The following CDK14 variants were observed in gnomAD, a reference collection of about 807,000 sequenced individuals.
The protein encoded by CDK14 is cyclin-dependent kinase 14.
Under a neutral mutation model 60.7 loss-of-function variants are expected in CDK14, and 34 were observed. That is an observed-to-expected ratio of 0.56 (90% CI 0.43 to 0.75). The LOEUF (loss-of-function observed/expected upper bound fraction) is 0.75. CDK14 is among the 30% of genes least tolerant of loss of function. The pLI is 0.00. For missense variants in CDK14, 482 were observed against 564.1 expected (o/e 0.85, Z 1.47); for synonymous variants, 197 against 203.7 (o/e 0.97, Z 0.28).
chr7:90,634,983 TG>T (rs1486255235), intron 2 of CDK14, among the ~76,000 whole-genome samples: 2 of 152,236 alleles, frequency 1.3e-5, no homozygotes, highest in Non-Finnish European at 2.9e-5. Flanking sequence ...TGGGGTTGTT[TG>T]TTTTTTTCTT....
chr7:91,108,844 A>C (rs1427412992), intron 12 of CDK14, among the ~76,000 whole-genome samples: 1 of 152,210 alleles, frequency 6.6e-6, no homozygotes, highest in Non-Finnish European at 1.5e-5. Flanking sequence ...GTCTGTCTCC[A>C]GACCAAAAAA....
chr7:90,696,339 T>TTC (rs66902872), intron 2 of CDK14, among the ~76,000 whole-genome samples: 13,532 of 58,720 alleles, frequency 0.23, 675 homozygotes, highest in Middle Eastern at 0.39. Flanking sequence ...TCTTCTTCTT[T>TTC]TTTTTTTTTT....
intron 2 of CDK14, among the ~76,000 whole-genome samples, chr7:90,617,698 G>T (rs909349499): frequency 3.9e-5 from 6 of 152,162 alleles, no homozygotes; most frequent in African/African-American, 1.4e-4. Flanking sequence ...CAGTTTCAAG[G>T]TTACGTTAAA....
chr7:90,728,279 A>G (rs10258502), intron 3 of CDK14, among the ~76,000 whole-genome samples: 138,856 of 151,906 alleles, frequency 0.91, 63,582 homozygotes, highest in East Asian at 1. Context: ...AGTTTCAAAA[A>G]TTTTCTTATA....
chr7:90,720,633 T>C (rs1802414582), intron 2 of CDK14, among the ~76,000 whole-genome samples: 1 of 152,246 alleles, frequency 6.6e-6, no homozygotes, highest in Non-Finnish European at 1.5e-5. Flanking sequence ...AAGACATATG[T>C]AAATGTAATG....
At chr7:90,638,861 C>T (rs1800235506) in intron 2 of CDK14, among the ~76,000 whole-genome samples, 1 of 151,432 alleles carries the variant, frequency 6.6e-6, no homozygotes, top group Non-Finnish European at 1.5e-5. Flanking sequence ...AACTTCCCTT[C>T]TCGCTTCATT....
chr7:90,955,806 C>T lies in CDK14; in HGVS notation c.936C>T (p.Cys312=), dbSNP rs781638962. 6.2e-7 allele frequency: 1 copy of T among 1,613,108 alleles called. No individual in the cohort carries two copies. Among genetic ancestry groups the T allele is most frequent in the Non-Finnish European group, 8.5e-7 (1 of 1,179,274 alleles). The change falls in exon 9 of 15, where the codon TGC becomes TGT. Residue 312 remains cysteine (C), a synonymous_variant. Coordinates refer to ENST00000380050, the MANE Select transcript of CDK14 (RefSeq NM_001287135.2). ...TAGGCTCAACAGAATATTCCACCTG[C>T]CTTGACATGTGGTGAGAAATGGAAG... ...VLLGSTEYST[C]LDMWGVGCIF... is the part of the protein sequence containing the mutation.
intron 10 of CDK14, among the ~76,000 whole-genome samples, chr7:91,004,839 T>G (rs1795936713): frequency 6.6e-6 from 1 of 152,180 alleles, no homozygotes. Context: ...CACTATAATT[T>G]GAACAAGGAT....
intron 5 of CDK14, among the ~76,000 whole-genome samples, chr7:90,806,965 C>T (rs1198753369): frequency 6.6e-6 from 1 of 152,196 alleles, no homozygotes; most frequent in African/African-American, 2.4e-5. Flanking sequence ...AACAAAGTGG[C>T]CAGGAAGCTC....
intron 2 of CDK14, among the ~76,000 whole-genome samples, chr7:90,678,703 G>A (rs1297889329): frequency 6.6e-6 from 1 of 152,034 alleles, no homozygotes; most frequent in Non-Finnish European, 1.5e-5. Flanking sequence ...AGAGTGTAGG[G>A]TAATCACCAT....
intron 2 of CDK14, among the ~76,000 whole-genome samples, chr7:90,626,950 CAAAACAAAAACAGCAA>C (rs1167359529): frequency 6.7e-6 from 1 of 149,590 alleles, no homozygotes; most frequent in Non-Finnish European, 1.5e-5. Context: ...AAAAACAAAA[CAAAACAAAAACAGCAA>C]AAAACAAAAA....
intron 13 of CDK14, among the ~76,000 whole-genome samples, chr7:91,117,421 C>G (rs1367457140): frequency 6.6e-6 from 1 of 151,892 alleles, no homozygotes; most frequent in African/African-American, 2.4e-5. Context: ...AAAGTCAGCT[C>G]TCACTGTTTC....
At position 91,086,433 on chromosome 7, in the gene CDK14, T is replaced by C. The variant is rs772082768; in HGVS notation, c.1154+6953T>C. 2.2e-4 allele frequency among the ~76,000 whole-genome samples: 34 copies of C among 152,260 alleles called. No homozygotes were observed. The Middle Eastern group carries it at 0.014, about 61-fold the overall frequency. ...TCTCTCTCTTTTCTGTTGGGAACTG[T>C]TAGGGGTTAGACACACAGCTCTCTA... On this transcript the variant is annotated intron_variant, in intron 12 of 14. Coordinates refer to ENST00000380050, the MANE Select transcript of CDK14 (RefSeq NM_001287135.2).
intron 3 of CDK14, among the ~76,000 whole-genome samples, chr7:90,730,017 C>G (rs985376846): frequency 3.3e-5 from 5 of 152,114 alleles, no homozygotes; most frequent in African/African-American, 1.2e-4. Flanking sequence ...AATGCTATCC[C>G]TCCCCTAGCC....
At position 90,794,842 on chromosome 7, in the gene CDK14, G is replaced by A. The variant is rs1188516279; in HGVS notation, c.544+4190G>A. 2.6e-5 allele frequency among the ~76,000 whole-genome samples: 4 copies of A among 152,204 alleles called. No individual in the cohort carries two copies. In the East Asian group the frequency reaches 5.8e-4, roughly 22 times the overall value. Reference sequence around the variant, plus strand: ...GATTGGGGAAGTGATAAGTGTCCATGAAATCTTCACAATTTATGTTCAGAG... The same window carrying A: ...GATTGGGGAAGTGATAAGTGTCCATAAAATCTTCACAATTTATGTTCAGAG... On this transcript the variant is annotated intron_variant, in intron 5 of 14. Transcript: ENST00000380050.
chr7:90,616,905 C>T (rs1175377705), intron 2 of CDK14, among the ~76,000 whole-genome samples: 1 of 151,318 alleles, frequency 6.6e-6, no homozygotes, highest in Non-Finnish European at 1.5e-5. Context: ...TGTATATATA[C>T]ACATATTTTC....
Position 90,726,765 on chromosome 7 carries a change from A to G in CDK14, c.322A>G (p.Thr108Ala), listed in dbSNP as rs760816329. ...NACINFKTSS[T>A]GKESPKVRRH... Reference sequence around the variant, plus strand: ...TTGCATTAACTTTAAGACCTCCTCCACTGGCAAAGAGTCACCTAAAGTTAG... The same window carrying G: ...TTGCATTAACTTTAAGACCTCCTCCGCTGGCAAAGAGTCACCTAAAGTTAG... The change falls in exon 3 of 15, where the codon ACT (threonine) becomes GCT (alanine). Residue 108 changes from threonine (T) to alanine (A), a missense_variant. Thr to Ala is a moderately conservative substitution (Grantham distance 58). Transcript: ENST00000380050. The G allele has an allele frequency of 6.2e-7, 1 of 1,613,704 alleles. No individual in the cohort carries two copies.
chr7:90,692,661 C>T (rs979166376), intron 2 of CDK14: 4 of 979,198 alleles, frequency 4.1e-6, no homozygotes, highest in African/African-American at 1.8e-5. Context: ...ATGGGGTCTT[C>T]CTGTTCTCTG....
At chr7:90,939,751 A>G (rs1793859817) in intron 8 of CDK14, among the ~76,000 whole-genome samples, 1 of 152,220 alleles carries the variant, frequency 6.6e-6, no homozygotes, top group African/African-American at 2.4e-5. Flanking sequence ...AAATTGTTTG[A>G]TGATTCAGAT....
Sources: allele counts gnomAD v4.1 joint callset (sites outside exome capture counted in the v4.1 genomes callset), GRCh38; gene constraint gnomAD v4.1.1; transcripts MANE v1.5; gene names NCBI Gene and HGNC (gene_info 2026-07-23, HGNC 2026-07-21).